The following FGGY variants were observed in gnomAD, a reference collection of about 807,000 sequenced individuals.
FGGY encodes FGGY carbohydrate kinase domain containing, also known as FGGY carbohydrate kinase domain-containing protein.
Under a neutral mutation model 71.3 loss-of-function variants are expected in FGGY, and 72 were observed. The observed-to-expected ratio is 1.01, with a 90% CI of 0.84 to 1.23. FGGY has a LOEUF of 1.23. Among genes scored for constraint, FGGY ranks in the 50% most tolerant of loss-of-function variants. FGGY has a pLI of 0.00. For missense variants in FGGY, 668 were observed against 682.3 expected (o/e 0.98, Z 0.23); for synonymous variants, 251 against 250.3 (o/e 1.00, Z -0.02).
At chr1:59,356,649 C>T (rs1271330110) in intron 4 of FGGY, among the ~76,000 whole-genome samples, 1 of 152,214 alleles carries the variant, frequency 6.6e-6, no homozygotes, top group Non-Finnish European at 1.5e-5. Flanking sequence ...TAAATCATCT[C>T]ATGCCATTTT....
chr1:59,716,714 A>G (rs2097848433), intron 14 of FGGY, among the ~76,000 whole-genome samples: 1 of 152,206 alleles, frequency 6.6e-6, no homozygotes. Flanking sequence ...GCTGGGAACA[A>G]GAGAGCGGAC....
chr1:59,347,084 CT>C (rs1045815785), intron 4 of FGGY, among the ~76,000 whole-genome samples: 138 of 98,046 alleles, frequency 1.4e-3, no homozygotes, highest in Admixed American at 4.6e-3. Flanking sequence ...TTTTTTTCCT[CT>C]TTTTTTTTCG....
At chr1:59,716,816 G>A (rs1307632126) in intron 14 of FGGY, among the ~76,000 whole-genome samples, 6 of 152,288 alleles carry the variant, frequency 3.9e-5, no homozygotes, top group Non-Finnish European at 8.8e-5. Context: ...TCAGATTCAG[G>A]CATGATGGAA....
Position 59,698,157 on chromosome 1 carries a change from CCT to C in FGGY, c.1512+24029_1512+24030del, listed in dbSNP as rs1471709476. ...TGTAATGTGATATATGACATTTTGG[CCT>C]CTCTGAGATGTCTTGTTCCAGCCCA... On this transcript the variant is annotated intron_variant, in intron 14 of 15. Transcript: ENST00000303721. Among the ~76,000 whole-genome samples the C allele has an allele frequency of 2.6e-5, 4 of 152,048 alleles. No homozygotes were observed. The East Asian group carries it at 5.8e-4, about 22-fold the overall frequency.
intron 9 of FGGY, 84 bp downstream of exon 9, chr1:59,607,994 T>C (rs930437774): frequency 6.4e-5 from 71 of 1,108,860 alleles, no homozygotes; most frequent in Non-Finnish European, 8.9e-5. Flanking sequence ...ATATACCCAA[T>C]ATCTGGAGGA....
At chr1:59,482,423 A>G (rs2093506457) in intron 6 of FGGY, among the ~76,000 whole-genome samples, 1 of 152,130 alleles carries the variant, frequency 6.6e-6, no homozygotes, top group Non-Finnish European at 1.5e-5. Flanking sequence ...TTCACTTTCA[A>G]GCAAGTTTTT....
At chr1:59,421,181 A>G (rs75359422) in intron 5 of FGGY, among the ~76,000 whole-genome samples, 2,229 of 152,300 alleles carry the variant, frequency 0.015, 59 homozygotes, top group African/African-American at 0.051. Context: ...ACAAAAAGAG[A>G]CAGGAGACAT....
In FGGY at chr1:59,582,969, C is replaced by T. The variant is rs1245726378; in HGVS notation, c.904-24834C>T. On this transcript the variant is annotated intron_variant, in intron 8 of 15. Coordinates refer to ENST00000303721, the MANE Select transcript of FGGY (RefSeq NM_018291.5). ...ATGCTTGAGGATCCAAAGGAGTTTA[C>T]CATTTTGTAATGCCACAGATGTGTA... Among the ~76,000 whole-genome samples, 2 of 144,706 alleles carry T rather than the reference C, an allele frequency of 1.4e-5. 1 individual carries two copies. Among genetic ancestry groups the T allele is most frequent in the Non-Finnish European group, 3.0e-5 (2 of 66,774 alleles). The allele number at this position is 144,706 out of a possible 152,430, so 94.9% of individuals were successfully genotyped here. A position where few individuals can be genotyped will look rare whatever the true frequency, so the allele number is the denominator to read the frequency against.
chr1:59,411,378 C>A (rs1048528503), intron 5 of FGGY, among the ~76,000 whole-genome samples: 1 of 152,248 alleles, frequency 6.6e-6, no homozygotes, highest in Non-Finnish European at 1.5e-5. Context: ...GTGATGTGAA[C>A]TTTGGCCAAT....
In FGGY at chr1:59,375,735, CA is replaced by C. The variant is rs540428679; in HGVS notation, c.466-3013del. On this transcript the variant is annotated intron_variant, in intron 4 of 15. Transcript: ENST00000303721. ...AGGGACTCCTTGCTCCTCCTATTCC[CA>C]GTGTCTCTTTTTGGCAAAAGGCTTG... 2.2e-3 allele frequency among the ~76,000 whole-genome samples: 332 copies of C among 152,286 alleles called. 1 individual carries two copies. The highest frequency in any genetic ancestry group is 7.8e-3 in the African/African-American group (324 of 41,550).
At chr1:59,611,502 T>C (rs1368316882) in intron 9 of FGGY, among the ~76,000 whole-genome samples, 1 of 152,058 alleles carries the variant, frequency 6.6e-6, no homozygotes, top group Admixed American at 6.5e-5. Context: ...AATCTGTACG[T>C]CACCATCATC....
chr1:59,468,933 G>T (rs1469122616), intron 6 of FGGY, among the ~76,000 whole-genome samples: 1 of 151,734 alleles, frequency 6.6e-6, no homozygotes, highest in Non-Finnish European at 1.5e-5. Flanking sequence ...ATATGCTGGG[G>T]ACATAAATGT....
At chr1:59,723,563 T>TTG (rs1553431126) in intron 14 of FGGY, among the ~76,000 whole-genome samples, 1,597 of 128,982 alleles carry the variant, frequency 0.012, 41 homozygotes, top group African/African-American at 0.043. Context: ...TGTTTTTTTT[T>TTG]GGGGGGGGGT....
intron 8 of FGGY, among the ~76,000 whole-genome samples, chr1:59,569,437 C>A (rs1441329854): frequency 1.3e-5 from 2 of 152,110 alleles, no homozygotes; most frequent in Non-Finnish European, 2.9e-5. Flanking sequence ...GTATTTTATA[C>A]CCATTCCTTG....
At chr1:59,316,135 C>A (rs1014067267) in intron 1 of FGGY, 2 of 152,082 alleles carry the variant, frequency 1.3e-5, no homozygotes, top group African/African-American at 4.8e-5. Context: ...CTTTTTTCTT[C>A]CCAATCTTAG....
At chr1:59,369,053 C>T (rs904955374) in intron 4 of FGGY, among the ~76,000 whole-genome samples, 1 of 152,176 alleles carries the variant, frequency 6.6e-6, no homozygotes, top group African/African-American at 2.4e-5. Flanking sequence ...GAGTGCCAGA[C>T]AGTGGGCGCA....
intron 4 of FGGY, among the ~76,000 whole-genome samples, chr1:59,362,262 C>T (rs909969595): frequency 6.6e-6 from 1 of 151,286 alleles, no homozygotes; most frequent in African/African-American, 2.4e-5. Context: ...CTCCATTTTC[C>T]ATTCTTTCCA....
At chr1:59,637,767 T>C (rs796176806) in intron 10 of FGGY, among the ~76,000 whole-genome samples, 10 of 152,180 alleles carry the variant, frequency 6.6e-5, no homozygotes, top group African/African-American at 2.2e-4. Context: ...ATTTATCAAC[T>C]CATCATCATT....
intron 9 of FGGY, among the ~76,000 whole-genome samples, chr1:59,621,408 T>G (rs2096804872): frequency 7.0e-6 from 1 of 143,750 alleles, no homozygotes; most frequent in Non-Finnish European, 1.5e-5. Context: ...AATTTGAGTT[T>G]CCATGTGATA....
Sources: allele counts gnomAD v4.1 joint callset (sites outside exome capture counted in the v4.1 genomes callset), GRCh38; gene constraint gnomAD v4.1.1; transcripts MANE v1.5; gene names NCBI Gene and HGNC (gene_info 2026-07-23, HGNC 2026-07-21).